The following CYP2A7 variants were observed in gnomAD, a reference collection of about 807,000 sequenced individuals.
The protein encoded by CYP2A7 is cytochrome P450 family 2 subfamily A member 7, also known as cytochrome P450 2A7.
A neutral mutation model predicts 42.0 loss-of-function variants in CYP2A7; 36 were observed. The ratio of observed to expected loss-of-function variants is 0.86; its 90% CI spans 0.66 to 1.13. CYP2A7 has a LOEUF of 1.13. CYP2A7 is among the 50% of genes most tolerant of loss of function. The pLI is 0.00. For synonymous variants in CYP2A7, 260 were observed against 249.5 expected, an observed-to-expected ratio of 1.04 and a Z score of -0.40; for missense variants, 661 against 634.1, an observed-to-expected ratio of 1.04 and a Z score of -0.46.
In CYP2A7 at chr19:40,876,640, G is replaced by C; in HGVS notation, c.1190C>G (p.Ser397Cys). 3 of 1,612,928 alleles carry C rather than the reference G, an allele frequency of 1.9e-6. No individual in the cohort carries two copies. Among genetic ancestry groups the C allele is most frequent in the Non-Finnish European group, 2.5e-6 (3 of 1,179,208 alleles). Residue 397 changes from serine to cysteine, a missense_variant, in exon 8 of 9, where the codon TCC (serine) becomes TGC (cysteine). Ser to Cys is a moderately radical substitution (Grantham distance 112). Coordinates refer to ENST00000301146, the MANE Select transcript of CYP2A7 (RefSeq NM_000764.3). ...GAAGAAGCTGGGGTCTCTCAGCACG[G>C]AGCCCAGCATAGGGAACACTTCGGT... ...KGTEVFPMLG[S>C]VLRDPSFFSN...
rs1967683781 is a variant in CYP2A7 at position 40,881,456 on chromosome 19, G to C, written c.343+133C>G. 13 of 1,473,948 alleles carry C rather than the reference G, an allele frequency of 8.8e-6. No homozygotes were observed. In the South Asian group the frequency reaches 1.7e-4, roughly 19 times the overall value. 91.3% of individuals were successfully genotyped at this position (1,473,948 alleles called of 1,614,324 possible). A position where few individuals can be genotyped will look rare whatever the true frequency, so the allele number is the denominator to read the frequency against. On this transcript the variant is annotated intron_variant, in intron 2 of 8. Transcript: ENST00000301146. ...ACACATGGAGAGGCCACAGTGAAGG[G>C]AGATGGGGAGATAAGACCAGACCGG... is the stretch of plus-strand genomic sequence containing the variant.
At position 40,880,160 on chromosome 19, in the gene CYP2A7, T is replaced by C. The variant is rs1476250130; in HGVS notation, c.578A>G (p.Tyr193Cys). Residue 193 changes from tyrosine (Y) to cysteine (C), a missense_variant, in exon 4 of 9, where the codon TAT becomes TGT. This residue lies in a region of CYP2A7 where 614 missense variants were observed against 552.4 expected (regional missense o/e 1.11). Coordinates refer to ENST00000301146, the MANE Select transcript of CYP2A7 (RefSeq NM_000764.3). ...CAGTGACAGGAACTCTTTGTCCTCA[T>C]AGTCAAAGCGGTCCCCAAAGACAAT... ...SSIVFGDRFD[Y>C]EDKEFLSLLS... 2.5e-6 allele frequency: 4 copies of C among 1,612,804 alleles called. No homozygotes were observed. In the East Asian group the frequency reaches 8.9e-5, roughly 36 times the overall value.
chr19:40,881,493 T>C (rs900628011), intron 2 of CYP2A7, 96 bp downstream of exon 2: 3 of 1,577,244 alleles, frequency 1.9e-6, no homozygotes, highest in South Asian at 1.2e-5. Context: ...GGTTCTGCCA[T>C]AGCCTCCAGT....
chr19:40,876,957 A>ATT, intron 7 of CYP2A7: 1 of 658,602 alleles, frequency 1.5e-6, no homozygotes. Context: ...GTTTCTTAAG[A>ATT]TAGGAAGTTT....
chr19:40,880,798 G>GGAGAGAGAGAGA (rs1171374070), intron 2 of CYP2A7, among the ~76,000 whole-genome samples, 170 bp from the exon 3 acceptor site: 2 of 27,434 alleles, frequency 7.3e-5, no homozygotes, highest in Non-Finnish European at 1.4e-4. Flanking sequence ...GAAACACGAG[G>GGAGAGAGAGAGA]GAGAGAGAGA....
In CYP2A7 at chr19:40,876,031, G is replaced by A. The variant is rs10413473; in HGVS notation, c.1304-157C>T. ...AGGCTCTGATCCTCCCTGAGCCTCA[G>A]TTTCTTTCTACAAGAGATGTAACAA... On this transcript the variant is annotated intron_variant, in intron 8 of 8. Transcript: ENST00000301146. Among the ~76,000 whole-genome samples the A allele has an allele frequency of 4.9e-3, 730 of 148,692 alleles. 8 individuals are homozygous for A. The highest frequency in any genetic ancestry group is 0.016 in the African/African-American group (656 of 40,674).
chr19:40,880,836 A>AGAGAGAGAGAGAGG (rs1967660354), intron 2 of CYP2A7, among the ~76,000 whole-genome samples: 1 of 110,160 alleles, frequency 9.1e-6, no homozygotes, highest in East Asian at 2.8e-4. Context: ...AGAGAGAGAG[A>AGAGAGAGAGAGAGG]GAGAGAGAGA....
At position 40,876,612 on chromosome 19, in the gene CYP2A7, G is replaced by C. The variant is rs1388160568; in HGVS notation, c.1218C>G (p.Ser406=). 1 of 1,613,050 alleles carries C rather than the reference G, an allele frequency of 6.2e-7. No individual in the cohort carries two copies. ...GSVLRDPSFF[S]NPQDFNPQHF... ...GCTGGGGATTGAAGTCCTGAGGGTT[G>C]GAGAAGAAGCTGGGGTCTCTCAGCA... The change falls in exon 8 of 9, where the codon TCC becomes TCG. Residue 406 remains serine, a synonymous_variant. Coordinates refer to ENST00000301146, the MANE Select transcript of CYP2A7 (RefSeq NM_000764.3).
Position 40,882,060 on chromosome 19 carries a change from T to G in CYP2A7, c.151A>C (p.Thr51Pro). 6.2e-7 allele frequency: 1 copy of G among 1,613,944 alleles called. No individual in the cohort carries two copies. The highest frequency in any genetic ancestry group is 8.5e-7 in the Non-Finnish European group (1 of 1,179,878). Residue 51 changes from threonine (T) to proline (P), a missense_variant, in exon 1 of 9, where the codon ACA becomes CCA. Thr to Pro is a conservative substitution (Grantham distance 38). This residue lies in a region of CYP2A7 where 614 missense variants were observed against 552.4 expected (regional missense o/e 1.11). Transcript: ENST00000301146. ...PFIGNYLQLN[T>P]EHICDSIMKF... is the part of the protein sequence containing the mutation. Reference sequence around the variant, plus strand: ...ATGATGGAGTCACATATGTGCTCTGTGTTCAGCTGGAGGTAGTTTCCAATG... The same window carrying G: ...ATGATGGAGTCACATATGTGCTCTGGGTTCAGCTGGAGGTAGTTTCCAATG...
rs769101367 is a variant in CYP2A7 at position 40,877,391 on chromosome 19, G to A, written c.974-14C>T. 6.2e-7 allele frequency: 1 copy of A among 1,610,528 alleles called. No individual in the cohort carries two copies. Among genetic ancestry groups the A allele is most frequent in the African/African-American group, 1.3e-5 (1 of 74,792 alleles). ...CATGGACCTTGGCTGGGGGAGGAGG[G>A]GGAATGTGTTTAGGTATCTGGGAGT... On this transcript the variant is annotated splice_polypyrimidine_tract_variant and intron_variant, in intron 6 of 8. Transcript: ENST00000301146.
intron 4 of CYP2A7, 61 bp from the exon 5 acceptor site, chr19:40,878,997 G>C: frequency 6.5e-7 from 1 of 1,546,270 alleles, no homozygotes; most frequent in Non-Finnish European, 8.8e-7. Flanking sequence ...GGAGCTGATG[G>C]GAATGGGATT....
intron 8 of CYP2A7, 127 bp from the exon 9 acceptor site, chr19:40,876,001 A>G (rs1967521889): frequency 6.9e-7 from 1 of 1,444,352 alleles, no homozygotes; most frequent in African/African-American, 1.4e-5. Flanking sequence ...AGAGAGTTTC[A>G]GAGGAGGCTC....
intron 3 of CYP2A7, 78 bp downstream of exon 3, chr19:40,880,401 C>T (rs1205123992): frequency 8.3e-6 from 13 of 1,570,328 alleles, no homozygotes; most frequent in Admixed American, 5.3e-5. Flanking sequence ...AGTCCCCATC[C>T]GCAGGCAGAA....
In CYP2A7 at chr19:40,880,141, C is replaced by T; in HGVS notation, c.597G>A (p.Leu199=). The change falls in exon 4 of 9, where the codon CTG becomes CTA. Residue 199 remains leucine (L), a synonymous_variant. Coordinates refer to ENST00000301146, the MANE Select transcript of CYP2A7 (RefSeq NM_000764.3). The stretch of plus-strand genomic sequence containing the variant: ...TTCCTAGCATCATGCTCAGCAGTGA[C>T]AGGAACTCTTTGTCCTCATAGTCAA... ...DRFDYEDKEF[L]SLLSMMLGIF... The T allele has an allele frequency of 6.2e-7, 1 of 1,613,006 alleles. No individual in the cohort carries two copies. The highest frequency in any genetic ancestry group is 1.7e-5 in the Admixed American group (1 of 59,930).
Position 40,877,248 on chromosome 19 carries a change from A to C in CYP2A7, c.1103T>G (p.Met368Arg). Residue 368 changes from methionine to arginine, a missense_variant, in exon 7 of 9, where the codon ATG becomes AGG. This residue lies in a region of CYP2A7 where 614 missense variants were observed against 552.4 expected (regional missense o/e 1.11). Transcript: ENST00000301146. The part of the protein sequence containing the change: ...EIQRFGDVIP[M>R]SLARRVKKDT... ...CTTTTTAACCCTGCGGGCCAAACTC[A>C]TGGGGATCACGTCTCCAAATCTTTG... 6 of 1,612,324 alleles carry C rather than the reference A, an allele frequency of 3.7e-6. 1 individual carries two copies. The highest frequency in any genetic ancestry group is 5.1e-6 in the Non-Finnish European group (6 of 1,178,982).
chr19:40,877,034 G>C, intron 7 of CYP2A7, 156 bp downstream of exon 7: 1 of 823,336 alleles, frequency 1.2e-6, no homozygotes, highest in Non-Finnish European at 1.9e-6. Flanking sequence ...GAGTGTCTAA[G>C]TGGAAAGGTG....
intron 2 of CYP2A7, 114 bp from the exon 3 acceptor site, chr19:40,880,742 G>A (rs1967647743): frequency 9.5e-7 from 1 of 1,055,700 alleles, no homozygotes; most frequent in Non-Finnish European, 1.3e-6. Context: ...GTGGGAGAGA[G>A]ATGGATTCAG....
In CYP2A7 at chr19:40,876,547, G is replaced by A. The variant is rs2087810053; in HGVS notation, c.1283C>T (p.Ala428Val). 2 of 1,613,038 alleles carry A rather than the reference G, an allele frequency of 1.2e-6. No homozygotes were observed. The highest frequency in any genetic ancestry group is 1.7e-6 in the Non-Finnish European group (2 of 1,179,256). ...CTTACCGATGGAAAAGGGCACAAAA[G>A]CATCACTCTTCTTAAACTGCCCCTT... ...DDKGQFKKSD[A>V]FVPFSIGKRN... Residue 428 changes from alanine to valine, a missense_variant, in exon 8 of 9, where the codon GCT becomes GTT. By Grantham distance (64) the Ala-to-Val change is moderately conservative. Transcript: ENST00000301146.
chr19:40,880,891 G>A (rs1360497802), intron 2 of CYP2A7, among the ~76,000 whole-genome samples: 1 of 144,732 alleles, frequency 6.9e-6, no homozygotes, highest in Non-Finnish European at 1.5e-5. Context: ...AGAATCAGAA[G>A]AGAAACAGAA....
Sources: allele counts gnomAD v4.1 joint callset (sites outside exome capture counted in the v4.1 genomes callset), GRCh38; gene constraint gnomAD v4.1.1; regional missense constraint gnomAD v4.1.1; transcripts MANE v1.5; gene names NCBI Gene and HGNC (gene_info 2026-07-23, HGNC 2026-07-21).